Variants in GARIN3 observed in about 807,000 individuals in gnomAD.
The protein encoded by GARIN3 is Golgi-associated RAB2 interactor protein 3.
chr5:157,163,086 T>C, the GARIN3 span: 185 of 1,614,156 alleles, frequency 1.1e-4, no homozygotes, highest in Middle Eastern at 3.3e-4. Flanking sequence ...GTCCCACTGC[T>C]GGTCCTTCAG....
At chr5:157,163,182 C>T in the GARIN3 span, 122 of 1,614,012 alleles carry the variant, frequency 7.6e-5, 1 homozygote, top group South Asian at 4.3e-4. Flanking sequence ...TGGCGGCCCC[C>T]GCCATCGAGG....
At chr5:157,163,327 A>G in the GARIN3 span, 1 of 1,614,154 alleles carries the variant, frequency 6.2e-7, no homozygotes, top group Non-Finnish European at 8.5e-7. Flanking sequence ...TGCTCCCGCC[A>G]GCGCTGTGGT....
At chr5:157,162,828 G>C in the GARIN3 span, 1 of 1,613,384 alleles carries the variant, frequency 6.2e-7, no homozygotes, top group South Asian at 1.1e-5. Flanking sequence ...TTTCTTTTTT[G>C]TCATCTCTCG....
At chr5:157,163,312 A>G in the GARIN3 span, 67 of 1,613,958 alleles carry the variant, frequency 4.2e-5, no homozygotes, top group Middle Eastern at 6.6e-4. Flanking sequence ...TGGATTTTTG[A>G]TAGCTGCTCC....
chr5:157,163,791 C>A, the GARIN3 span: 12 of 1,211,390 alleles, frequency 9.9e-6, no homozygotes, highest in Non-Finnish European at 1.3e-5. Flanking sequence ...TGTGGTGGCT[C>A]ACGCCTGTAA....
chr5:157,165,494 T>C, the GARIN3 span: 1 of 1,527,668 alleles, frequency 6.5e-7, no homozygotes. Context: ...CCAAAGGCTT[T>C]GTAGGACTGG....
At chr5:157,165,589 G>T in the GARIN3 span, 1 of 1,613,100 alleles carries the variant, frequency 6.2e-7, no homozygotes, top group Non-Finnish European at 8.5e-7. Flanking sequence ...TCTTCGGGTG[G>T]TGCGTCCCCA....
At chr5:157,162,707 A>G in the GARIN3 span, 8 of 1,614,148 alleles carry the variant, frequency 5.0e-6, no homozygotes, top group Non-Finnish European at 6.8e-6. Context: ...CTAGATGCAG[A>G]TTGGTTCTTC....
At chr5:157,165,422 G>A in the GARIN3 span, 12 of 1,316,704 alleles carry the variant, frequency 9.1e-6, 1 homozygote, top group African/African-American at 4.4e-5. Flanking sequence ...CCCTAGTAGT[G>A]GCTCATTTGG....
At chr5:157,163,468 G>A in the GARIN3 span, 2 of 1,614,194 alleles carry the variant, frequency 1.2e-6, no homozygotes, top group Non-Finnish European at 1.7e-6. Flanking sequence ...CATGCCACCT[G>A]CTGTCCTTGC....
chr5:157,163,453 A>G, the GARIN3 span: 1 of 1,614,180 alleles, frequency 6.2e-7, no homozygotes, highest in African/African-American at 1.3e-5. Flanking sequence ...TGTTCCTGCC[A>G]CTGCCATGCC....
chr5:157,162,630 A>G, the GARIN3 span: 2 of 1,614,082 alleles, frequency 1.2e-6, no homozygotes, highest in Non-Finnish European at 1.7e-6. Flanking sequence ...TTTTTGAACC[A>G]GGAGTGGCCC....
chr5:157,163,369 G>T, the GARIN3 span: 1 of 1,614,088 alleles, frequency 6.2e-7, no homozygotes, highest in East Asian at 2.2e-5. Flanking sequence ...TTTGGTTGTT[G>T]CTATGCTCAT....
At chr5:157,162,872 A>G in the GARIN3 span, 1 of 1,613,962 alleles carries the variant, frequency 6.2e-7, no homozygotes, top group Non-Finnish European at 8.5e-7. Context: ...CGGTGGGAAG[A>G]CGCTTTCTGA....
At chr5:157,165,496 T>C in the GARIN3 span, 1 of 1,528,612 alleles carries the variant, frequency 6.5e-7, no homozygotes, top group Non-Finnish European at 8.8e-7. Flanking sequence ...AAAGGCTTTG[T>C]AGGACTGGCT....
chr5:157,166,077 T>A, the GARIN3 span: 1 of 1,614,234 alleles, frequency 6.2e-7, no homozygotes, highest in South Asian at 1.1e-5. Flanking sequence ...GTTGTACAAT[T>A]GTCGTTGCAG....
chr5:157,163,482 T>C, the GARIN3 span: 1 of 1,613,980 alleles, frequency 6.2e-7, no homozygotes, highest in African/African-American at 1.3e-5. Context: ...TCCTTGCTGC[T>C]CCTCCTTCAG....
the GARIN3 span, chr5:157,162,415 G>A: frequency 6.3e-7 from 1 of 1,595,310 alleles, no homozygotes; most frequent in South Asian, 1.1e-5. Context: ...GATACTTCCA[G>A]ATCCCTGGGC....
the GARIN3 span, chr5:157,163,350 G>A: frequency 2.5e-6 from 4 of 1,614,002 alleles, 1 homozygote; most frequent in Non-Finnish European, 3.4e-6. Context: ...CTTGACCTGG[G>A]CCTGCAGATT....
Sources: gnomAD v4.1 joint callset for allele counts on GRCh38, gnomAD v4.1.1 for gene constraint, MANE v1.5 for transcripts, NCBI Gene and HGNC (gene_info 2026-07-23, HGNC 2026-07-21) for gene names.